Variants in PITRM1 observed in about 807,000 individuals in gnomAD.
PITRM1 encodes pitrilysin metallopeptidase 1.
In PITRM1, 100 loss-of-function variants were observed where a neutral mutation model predicts 129.9. The ratio of observed to expected loss-of-function variants is 0.77; its 90% CI spans 0.65 to 0.91. The LOEUF (loss-of-function observed/expected upper bound fraction) is 0.91, where lower values mean the gene tolerates loss of function less well. Ranked by LOEUF, PITRM1 falls within the 40% of genes least tolerant of loss-of-function variation. The pLI, the probability that PITRM1 is intolerant of heterozygous loss-of-function variation, is 0.00. For synonymous variants in PITRM1, 591 were observed against 508.8 expected (o/e 1.16, Z -2.17); for missense variants, 1,471 against 1,318.3 (o/e 1.12, Z -1.79).
Position 3,137,804 on chromosome 10 carries a change from T to G in PITRM1, c.*227A>C, listed in dbSNP as rs1043166. ...GTAAAACGAGCCTGCCAGTACAAAG[T>G]GAAAATTCTACATGGTGCATCTTTG... On this transcript the variant is annotated 3_prime_UTR_variant, in exon 27 of 27. Transcript: ENST00000224949. The G allele has an allele frequency of 1.8e-6, 1 of 545,870 alleles. No individual in the cohort carries two copies. Among genetic ancestry groups the G allele is most frequent in the South Asian group, 2.1e-5 (1 of 48,188 alleles). The allele number at this position is 545,870 out of a possible 1,614,324, so 33.8% of individuals were successfully genotyped here. A position where few individuals can be genotyped will look rare whatever the true frequency, so the allele number is the denominator to read the frequency against.
At chr10:3,157,385 A>G (rs768473799) in intron 12 of PITRM1, 50 bp downstream of exon 12, 2 of 1,139,228 alleles carry the variant, frequency 1.8e-6, no homozygotes, top group East Asian at 4.9e-5. Flanking sequence ...TAGTAACAAG[A>G]CAAAATGTCT....
Position 3,140,789 on chromosome 10 carries a change from A to G in PITRM1, c.2669T>C (p.Met890Thr). ...HASLKILARL[M>T]TAKFLHTEIR... ...TTCTGTATGCAAGAATTTGGCAGTC[A>G]TCAAACGTGCAAGGATTTTAAGACT... The change falls in exon 24 of 27, where the codon ATG becomes ACG. Residue 890 changes from methionine (M) to threonine (T), a missense_variant. Met to Thr is a moderately conservative substitution (Grantham distance 81, BLOSUM62 -1). Coordinates refer to ENST00000224949, the MANE Select transcript of PITRM1 (RefSeq NM_014889.4). The G allele has an allele frequency of 6.3e-7, 1 of 1,588,114 alleles. No individual in the cohort carries two copies. The highest frequency in any genetic ancestry group is 8.6e-7 in the Non-Finnish European group (1 of 1,165,916).
At chr10:3,149,484 A>G (rs924417722) in intron 16 of PITRM1, 137 bp downstream of exon 16, 11 of 826,708 alleles carry the variant, frequency 1.3e-5, no homozygotes, top group African/African-American at 1.2e-4. Flanking sequence ...CTAAACCAAT[A>G]TATTGTACAC....
chr10:3,165,159 C>T, intron 6 of PITRM1, 79 bp downstream of exon 6: 1 of 998,104 alleles, frequency 1.0e-6, no homozygotes, highest in South Asian at 1.7e-5. Context: ...TAAATAAAAT[C>T]TTCCAGATGT....
Sources: allele counts gnomAD v4.1 joint callset, GRCh38; gene constraint gnomAD v4.1.1; transcripts MANE v1.5; gene names NCBI Gene and HGNC (gene_info 2026-07-23, HGNC 2026-07-21).